CALCR: variants seen among roughly 807,000 people sequenced by gnomAD.
CALCR encodes the protein calcitonin receptor.
In CALCR, 47 loss-of-function variants were observed where a neutral mutation model predicts 59.5. The observed-to-expected ratio is 0.79, with a 90% CI of 0.63 to 1.01. CALCR has a LOEUF of 1.01. Among genes scored for constraint, CALCR ranks in the 50% least tolerant of loss-of-function variants. CALCR has a pLI of 0.00. For synonymous variants in CALCR, 213 were observed against 211.3 expected, an observed-to-expected ratio of 1.01 and a Z score of -0.07; for missense variants, 566 against 597.1, an observed-to-expected ratio of 0.95 and a Z score of 0.54.
chr7:93,476,214 C>G (rs1229316206), intron 5 of CALCR, among the ~76,000 whole-genome samples: 1 of 151,720 alleles, frequency 6.6e-6, no homozygotes, highest in African/African-American at 2.4e-5. Flanking sequence ...GTAAATGCTT[C>G]CTTGTTAAAT....
chr7:93,557,801 G>A (rs1334439196), intron 2 of CALCR, among the ~76,000 whole-genome samples: 1 of 151,896 alleles, frequency 6.6e-6, no homozygotes, highest in East Asian at 1.9e-4. Flanking sequence ...AAATGCCAAT[G>A]TTATCATATA....
chr7:93,429,985 G>A (rs1799623819), intron 13 of CALCR, among the ~76,000 whole-genome samples: 1 of 136,944 alleles, frequency 7.3e-6, no homozygotes. Context: ...AGGCTGGAGT[G>A]CAGTGGCGCA....
intron 2 of CALCR, among the ~76,000 whole-genome samples, chr7:93,516,343 A>G (rs1801650396): frequency 2.6e-5 from 4 of 151,958 alleles, no homozygotes; most frequent in Admixed American, 2.6e-4. Flanking sequence ...TTTGTGTCAC[A>G]TTGATTCATG....
chr7:93,501,104 A>G (rs1023853375), intron 2 of CALCR, among the ~76,000 whole-genome samples: 1 of 152,042 alleles, frequency 6.6e-6, no homozygotes, highest in African/African-American at 2.4e-5. Flanking sequence ...TGGCCAACCA[A>G]GTTGGATCTC....
At chr7:93,573,626 C>T (rs1450975198) in intron 2 of CALCR, among the ~76,000 whole-genome samples, 1 of 152,140 alleles carries the variant, frequency 6.6e-6, no homozygotes, top group Non-Finnish European at 1.5e-5. Flanking sequence ...ACTTGGACCT[C>T]AAGGAAAATG....
At chr7:93,471,407 A>G (rs548979902) in intron 6 of CALCR, among the ~76,000 whole-genome samples, 1 of 151,896 alleles carries the variant, frequency 6.6e-6, no homozygotes, top group African/African-American at 2.4e-5. Context: ...TGTGCTTGTG[A>G]TGAGGTGTCC....
Position 93,517,337 on chromosome 7 carries a change from T to C in CALCR, c.-26-30330A>G, listed in dbSNP as rs578160505. 6.2e-4 allele frequency among the ~76,000 whole-genome samples: 81 copies of C among 131,534 alleles called. 1 individual carries two copies. Among genetic ancestry groups the C allele is most frequent in the Admixed American group, 1.6e-3 (21 of 13,404 alleles). The allele number at this position is 131,534 out of a possible 152,430, so 86.3% of individuals were successfully genotyped here. On this transcript the variant is annotated intron_variant, in intron 2 of 13. Transcript: ENST00000426151. ...TTTTAATTTGCTAGCCATATGGCCT[T>C]GTGCTAATGACTTGCATTTCTGAGA... is the stretch of plus-strand genomic sequence containing the variant.
rs368981699 is a variant in CALCR at position 93,477,654 on chromosome 7, G to A, written c.220C>T (p.Arg74Cys). 2.9e-5 allele frequency: 47 copies of A among 1,606,830 alleles called. No individual in the cohort carries two copies. The highest frequency in any genetic ancestry group is 3.2e-5 in the Non-Finnish European group (38 of 1,174,594). ...CAGCACAGCCATCCATCCCAGGTGC[G>A]ATTGCAATATGGACCTGGCCATTTA... Reference protein sequence around the residue: ...AYQGEGPYCNRTWDGWLCWDD... With the variant: ...AYQGEGPYCNCTWDGWLCWDD... The change falls in exon 5 of 14, where the codon CGC becomes TGC. Residue 74 changes from arginine to cysteine, a missense_variant. Coordinates refer to ENST00000426151, the MANE Select transcript of CALCR (RefSeq NM_001742.4).
intron 2 of CALCR, among the ~76,000 whole-genome samples, chr7:93,529,834 CAAACG>C (rs982355207): frequency 3.9e-5 from 6 of 152,104 alleles, no homozygotes; most frequent in African/African-American, 1.2e-4. Flanking sequence ...ACTGGAAAAT[CAAACG>C]AATGTTAATA....
At chr7:93,566,757 G>C (rs1357481611) in intron 2 of CALCR, among the ~76,000 whole-genome samples, 1 of 152,098 alleles carries the variant, frequency 6.6e-6, no homozygotes, top group Non-Finnish European at 1.5e-5. Flanking sequence ...CCTGCACACA[G>C]TAAGGGCTCA....
chr7:93,451,963 A>T (rs1210538201), intron 8 of CALCR, among the ~76,000 whole-genome samples: 1 of 151,976 alleles, frequency 6.6e-6, no homozygotes, highest in Non-Finnish European at 1.5e-5. Flanking sequence ...AGTGAGAGTT[A>T]AACATTGATC....
intron 2 of CALCR, among the ~76,000 whole-genome samples, chr7:93,523,963 T>A (rs1199086926): frequency 6.6e-6 from 1 of 152,008 alleles, no homozygotes; most frequent in Non-Finnish European, 1.5e-5. Context: ...CTAGAAATAA[T>A]TACAGATAAT....
At chr7:93,456,494 C>T (rs1034184960) in intron 8 of CALCR, among the ~76,000 whole-genome samples, 4 of 151,486 alleles carry the variant, frequency 2.6e-5, no homozygotes, top group Non-Finnish European at 5.9e-5. Flanking sequence ...TGTGTGGTTG[C>T]AAGACTCACA....
At chr7:93,471,530 C>T (rs919776894) in intron 6 of CALCR, among the ~76,000 whole-genome samples, 1 of 151,812 alleles carries the variant, frequency 6.6e-6, no homozygotes, top group Non-Finnish European at 1.5e-5. Flanking sequence ...CAACAGCAAA[C>T]AAAGACACTA....
chr7:93,501,071 A>G (rs1339784419), intron 2 of CALCR, among the ~76,000 whole-genome samples: 1 of 152,030 alleles, frequency 6.6e-6, no homozygotes, highest in Non-Finnish European at 1.5e-5. Context: ...AGAGCAATTA[A>G]GTGAGATTAA....
In CALCR at chr7:93,566,431, G is replaced by A. The variant is rs148529015; in HGVS notation, c.-27+7858C>T. ...CTGAGTTTAAAGCCTATAAGAGATCGGCTGAAATATCCATTGAGAGAGGCT... is the reference window on the plus strand; with the variant it reads ...CTGAGTTTAAAGCCTATAAGAGATCAGCTGAAATATCCATTGAGAGAGGCT... On this transcript the variant is annotated intron_variant, in intron 2 of 13. Transcript: ENST00000426151. 1.6e-3 allele frequency among the ~76,000 whole-genome samples: 245 copies of A among 152,174 alleles called. 1 individual carries two copies. The highest frequency in any genetic ancestry group is 5.7e-3 in the African/African-American group (235 of 41,534).
intron 2 of CALCR, among the ~76,000 whole-genome samples, chr7:93,556,895 C>T (rs552757781): frequency 2.0e-5 from 3 of 152,058 alleles, no homozygotes; most frequent in South Asian, 2.1e-4. Flanking sequence ...CAGAAAGACT[C>T]GCATTTCTGT....
chr7:93,568,003 T>A (rs922824754), intron 2 of CALCR, among the ~76,000 whole-genome samples: 1 of 152,138 alleles, frequency 6.6e-6, no homozygotes, highest in Non-Finnish European at 1.5e-5. Flanking sequence ...CCATACACTA[T>A]CATAATAAAG....
chr7:93,487,088 A>G, intron 2 of CALCR, 81 bp from the exon 3 acceptor site: 1 of 722,592 alleles, frequency 1.4e-6, no homozygotes, highest in Non-Finnish European at 2.3e-6. Flanking sequence ...CATTTTTTCT[A>G]TTTGACTTAA....
Sources: gnomAD v4.1 joint callset for allele counts (sites outside exome capture counted in the v4.1 genomes callset) on GRCh38, gnomAD v4.1.1 for gene constraint, MANE v1.5 for transcripts, NCBI Gene and HGNC (gene_info 2026-07-23, HGNC 2026-07-21) for gene names.